GRIK1: variants seen among roughly 807,000 people sequenced by gnomAD.
GRIK1 encodes the protein glutamate receptor ionotropic, kainate 1.
Under a neutral mutation model 105.7 loss-of-function variants are expected in GRIK1, and 69 were observed. That is an observed-to-expected ratio of 0.65 (90% CI 0.54 to 0.80). The LOEUF (loss-of-function observed/expected upper bound fraction) is 0.80. Ranked by LOEUF, GRIK1 falls within the 30% of genes least tolerant of loss-of-function variation. The pLI, the probability that GRIK1 is intolerant of heterozygous loss-of-function variation, is 0.00. For missense variants in GRIK1, 1,109 were observed against 1,167.3 expected (o/e 0.95, Z 0.73); for synonymous variants, 438 against 431.3 (o/e 1.02, Z -0.19).
intron 12 of GRIK1, 67 bp downstream of exon 12, chr21:29,587,299 C>T: frequency 1.0e-6 from 1 of 995,742 alleles, no homozygotes; most frequent in East Asian, 2.4e-5. Flanking sequence ...TTTTGTCTGC[C>T]TCTGGGACAT....
At chr21:29,872,706 G>A (rs1339950195) in intron 1 of GRIK1, among the ~76,000 whole-genome samples, 1 of 152,188 alleles carries the variant, frequency 6.6e-6, no homozygotes, top group Non-Finnish European at 1.5e-5. Flanking sequence ...GGTCTTATAT[G>A]GTGGCAGGCA....
intron 14 of GRIK1, among the ~76,000 whole-genome samples, chr21:29,571,555 G>A (rs1160167689): frequency 1.3e-5 from 2 of 152,224 alleles, no homozygotes; most frequent in Middle Eastern, 3.4e-3. Context: ...AAAAGTCAAC[G>A]GATTTTGAAT....
intron 15 of GRIK1, among the ~76,000 whole-genome samples, chr21:29,557,662 G>T (rs959433155): frequency 3.3e-5 from 5 of 152,100 alleles, no homozygotes; most frequent in African/African-American, 1.2e-4. Flanking sequence ...TGAAATTATG[G>T]CTTATCAAGA....
rs73897676 is a variant in GRIK1 at position 29,546,149 on chromosome 21, C to T, written c.2608-8265G>A. Among the ~76,000 whole-genome samples, 651 of 152,224 alleles carry T rather than the reference C, an allele frequency of 4.3e-3. 2 individuals are homozygous for T. Among genetic ancestry groups the T allele is most frequent in the African/African-American group, 0.015 (605 of 41,528 alleles). On this transcript the variant is annotated intron_variant, in intron 16 of 17. Transcript: ENST00000327783. ...TGTGCCCTCTGAGATGACCATGGTC[C>T]CAGTGTCACATCCACACACCCTGTG... is the stretch of plus-strand genomic sequence containing the variant.
intron 1 of GRIK1, among the ~76,000 whole-genome samples, chr21:29,813,129 C>T (rs183197160): frequency 9.9e-5 from 15 of 152,200 alleles, no homozygotes; most frequent in South Asian, 4.1e-4. Flanking sequence ...GCCTGGCACA[C>T]GCATGTAAAT....
At chr21:29,869,671 C>T (rs910774704) in intron 1 of GRIK1, among the ~76,000 whole-genome samples, 4 of 152,126 alleles carry the variant, frequency 2.6e-5, no homozygotes, top group African/African-American at 7.2e-5. Flanking sequence ...TAAGTGTAAA[C>T]CCCTGCCCAT....
chr21:29,918,223 C>A (rs1303830258), intron 1 of GRIK1, among the ~76,000 whole-genome samples: 1 of 152,012 alleles, frequency 6.6e-6, no homozygotes, highest in Non-Finnish European at 1.5e-5. Flanking sequence ...TTATGAATCT[C>A]AAATAATTAC....
chr21:29,841,472 T>C (rs1438738187), intron 1 of GRIK1, among the ~76,000 whole-genome samples: 1 of 152,170 alleles, frequency 6.6e-6, no homozygotes, highest in African/African-American at 2.4e-5. Flanking sequence ...AGAAGTTAAG[T>C]AGTTATTCTT....
chr21:29,916,985 T>C (rs1347702428), intron 1 of GRIK1, among the ~76,000 whole-genome samples: 2 of 151,998 alleles, frequency 1.3e-5, no homozygotes, highest in Admixed American at 6.6e-5. Context: ...CATCACAGTC[T>C]CAATTCTCTC....
intron 3 of GRIK1, among the ~76,000 whole-genome samples, chr21:29,681,455 A>C (rs377312236): frequency 1.3e-5 from 2 of 152,154 alleles, no homozygotes; most frequent in African/African-American, 4.8e-5. Flanking sequence ...CTGAGGTACC[A>C]GGCACACTCT....
intron 16 of GRIK1, among the ~76,000 whole-genome samples, chr21:29,539,941 T>C (rs1016145927): frequency 6.6e-6 from 1 of 152,198 alleles, no homozygotes; most frequent in African/African-American, 2.4e-5. Context: ...AAAATATTTT[T>C]TATCACTATA....
intron 1 of GRIK1, among the ~76,000 whole-genome samples, chr21:29,880,685 C>A (rs1040748898): frequency 6.6e-6 from 1 of 151,572 alleles, no homozygotes; most frequent in Admixed American, 6.6e-5. Flanking sequence ...TGGAGATCTG[C>A]AGATGGAGTG....
chr21:29,859,960 T>C (rs2068586042), intron 1 of GRIK1, among the ~76,000 whole-genome samples: 2 of 152,188 alleles, frequency 1.3e-5, no homozygotes, highest in Admixed American at 6.5e-5. Context: ...TACTCAGGAC[T>C]CATCTTGGCA....
In GRIK1 at chr21:29,554,160, A is replaced by G. The variant is rs1396468581; in HGVS notation, c.2607+892T>C. 3.3e-5 allele frequency among the ~76,000 whole-genome samples: 5 copies of G among 152,186 alleles called. 1 individual carries two copies. In the East Asian group the frequency reaches 5.8e-4, roughly 18 times the overall value. ...CCAGTGCGAAATGAAAATATGGGAC[A>G]CTTTGTTCAAAAATTATTTAGAATT... On this transcript the variant is annotated intron_variant, in intron 16 of 17. Transcript: ENST00000327783.
chr21:29,691,462 C>G (rs899908448), intron 2 of GRIK1, among the ~76,000 whole-genome samples: 1 of 152,094 alleles, frequency 6.6e-6, no homozygotes, highest in African/African-American at 2.4e-5. Context: ...AGTTAAGTTA[C>G]CAGTTATAAT....
intron 1 of GRIK1, among the ~76,000 whole-genome samples, chr21:29,731,705 C>A (rs1372579948): frequency 6.6e-6 from 1 of 152,162 alleles, no homozygotes; most frequent in African/African-American, 2.4e-5. Context: ...AGAACACGAA[C>A]CAGATGAATT....
intron 1 of GRIK1, among the ~76,000 whole-genome samples, chr21:29,869,116 A>G (rs1213377283): frequency 2.0e-5 from 3 of 152,222 alleles, no homozygotes; most frequent in Non-Finnish European, 2.9e-5. Flanking sequence ...AAGCTATAAG[A>G]TGCTTTGGTA....
At chr21:29,757,584 T>A (rs1181384964) in intron 1 of GRIK1, among the ~76,000 whole-genome samples, 1 of 152,244 alleles carries the variant, frequency 6.6e-6, no homozygotes, top group East Asian at 1.9e-4. Flanking sequence ...GCTTAAAAGA[T>A]TGTCGGCATG....
chr21:29,696,750 T>C (rs1042354472), intron 1 of GRIK1, among the ~76,000 whole-genome samples: 1 of 152,194 alleles, frequency 6.6e-6, no homozygotes, highest in East Asian at 1.9e-4. Context: ...TTTAGGACGT[T>C]CAGGCTGCAG....
Sources: gnomAD v4.1 joint callset for allele counts (sites outside exome capture counted in the v4.1 genomes callset) on GRCh38, gnomAD v4.1.1 for gene constraint, MANE v1.5 for transcripts, NCBI Gene and HGNC (gene_info 2026-07-23, HGNC 2026-07-21) for gene names.